Variants in CSMD1 observed in about 807,000 individuals in gnomAD.
CSMD1 encodes the protein CUB and Sushi multiple domains 1.
Under a neutral mutation model 417.5 loss-of-function variants are expected in CSMD1, and 213 were observed. The observed-to-expected ratio is 0.51, with a 90% confidence interval of 0.46 to 0.57. The LOEUF is 0.57. CSMD1 is among the 20% of genes least tolerant of loss of function. The pLI, the probability that CSMD1 is intolerant of heterozygous loss-of-function variation, is 0.00. For synonymous variants in CSMD1, 2,862 were observed against 1,736.8 expected (o/e 1.65, Z -16.11); for missense variants, 6,923 against 4,529.7 (o/e 1.53, Z -15.17).
At chr8:4,317,111 G>C (rs17335476) in intron 3 of CSMD1, among the ~76,000 whole-genome samples, 27,920 of 152,010 alleles carry the variant, frequency 0.18, 2,712 homozygotes, top group East Asian at 0.29. Flanking sequence ...GTTTCCAACT[G>C]GCCAAGCACA....
At chr8:4,505,056 C>T (rs541173849) in intron 2 of CSMD1, among the ~76,000 whole-genome samples, 5 of 152,296 alleles carry the variant, frequency 3.3e-5, no homozygotes, top group Non-Finnish European at 5.9e-5. Context: ...GGAACTGCCA[C>T]ACTGTCTTCC....
chr8:3,233,707 T>G (rs1193264370), intron 26 of CSMD1, among the ~76,000 whole-genome samples: 1 of 152,214 alleles, frequency 6.6e-6, no homozygotes, highest in Non-Finnish European at 1.5e-5. Flanking sequence ...CAATTTCTCA[T>G]GTAAACTAAG....
chr8:3,866,661 C>T (rs887835579), intron 5 of CSMD1, among the ~76,000 whole-genome samples: 9 of 129,082 alleles, frequency 7.0e-5, no homozygotes, highest in African/African-American at 2.3e-4. Flanking sequence ...AAATAATAAG[C>T]TTATAAGATT....
At chr8:4,038,956 A>C (rs907668430) in intron 3 of CSMD1, among the ~76,000 whole-genome samples, 6 of 152,200 alleles carry the variant, frequency 3.9e-5, no homozygotes, top group Non-Finnish European at 8.8e-5. Flanking sequence ...TCAGTGACTT[A>C]ATTGGGCTAT....
intron 17 of CSMD1, among the ~76,000 whole-genome samples, chr8:3,393,913 C>T (rs1278960913): frequency 6.7e-6 from 1 of 149,196 alleles, no homozygotes; most frequent in Non-Finnish European, 1.5e-5. Flanking sequence ...GGGTGCAGCA[C>T]ACCAACATGG....
chr8:4,268,960 CTTTTA>C (rs1051036899), intron 3 of CSMD1, among the ~76,000 whole-genome samples: 1 of 152,158 alleles, frequency 6.6e-6, no homozygotes, highest in Non-Finnish European at 1.5e-5. Context: ...CTGCTGTATC[CTTTTA>C]TTTTTTCAAT....
chr8:4,711,833 T>A (rs1426987017), intron 1 of CSMD1, among the ~76,000 whole-genome samples: 2 of 152,194 alleles, frequency 1.3e-5, no homozygotes, highest in Non-Finnish European at 2.9e-5. Flanking sequence ...CAAGTAGTTT[T>A]CTTCTATCAT....
intron 3 of CSMD1, among the ~76,000 whole-genome samples, chr8:4,330,985 G>A (rs529567429): frequency 2.0e-5 from 3 of 151,962 alleles, no homozygotes; most frequent in South Asian, 2.1e-4. Context: ...ATATACAGCC[G>A]CCTTTGTGTT....
At chr8:3,318,025 C>T (rs1249970101) in intron 23 of CSMD1, among the ~76,000 whole-genome samples, 2 of 152,124 alleles carry the variant, frequency 1.3e-5, no homozygotes, top group South Asian at 2.1e-4. Context: ...GGGCTCAAAA[C>T]CCTGGGTTCA....
At chr8:4,952,116 T>C (rs529167366) in intron 1 of CSMD1, among the ~76,000 whole-genome samples, 3 of 151,994 alleles carry the variant, frequency 2.0e-5, no homozygotes, top group Non-Finnish European at 4.4e-5. Context: ...TGAATAGTCT[T>C]AATTTCACTA....
In CSMD1 at chr8:3,069,888, T is replaced by C. The variant is rs140924241; in HGVS notation, c.7474+17209A>G. ...CTGCCTGGATACCCAGGGTTTTTCA[T>C]ACATACTCCAAAATCTAGGTAGAGG... On this transcript the variant is annotated intron_variant, in intron 49 of 69. Transcript: ENST00000635120. Among the ~76,000 whole-genome samples, 1,118 of 152,346 alleles carry C rather than the reference T, an allele frequency of 7.3e-3. 15 individuals carry two copies. Among genetic ancestry groups the C allele is most frequent in the African/African-American group, 0.025 (1,048 of 41,586 alleles).
chr8:3,472,752 A>G (rs903085911), intron 11 of CSMD1, among the ~76,000 whole-genome samples: 1 of 152,128 alleles, frequency 6.6e-6, no homozygotes, highest in Admixed American at 6.6e-5. Context: ...TTCTCAGCAG[A>G]TAACTTTACT....
chr8:3,267,232 G>A (rs1334538411), intron 26 of CSMD1, among the ~76,000 whole-genome samples: 1 of 152,166 alleles, frequency 6.6e-6, no homozygotes, highest in Non-Finnish European at 1.5e-5. Context: ...GTGGCTCACT[G>A]CTAGCTTGCA....
chr8:4,444,190 A>C (rs1798646315), intron 2 of CSMD1, among the ~76,000 whole-genome samples: 1 of 151,734 alleles, frequency 6.6e-6, no homozygotes, highest in Non-Finnish European at 1.5e-5. Context: ...AAAAATATAA[A>C]AACTAGCCAG....
chr8:4,589,450 G>T (rs942516537), intron 2 of CSMD1, among the ~76,000 whole-genome samples: 3 of 152,064 alleles, frequency 2.0e-5, no homozygotes, highest in African/African-American at 4.8e-5. Context: ...AGAATTAAAG[G>T]GTTAAGTTAA....
chr8:3,160,581 C>T (rs763270593), intron 38 of CSMD1, among the ~76,000 whole-genome samples: 17 of 152,216 alleles, frequency 1.1e-4, no homozygotes, highest in Non-Finnish European at 2.5e-4. Context: ...TCTCGCTCTG[C>T]CTCCAATCTT....
At chr8:4,320,987 T>C (rs1373084256) in intron 3 of CSMD1, among the ~76,000 whole-genome samples, 2 of 152,156 alleles carry the variant, frequency 1.3e-5, no homozygotes, top group Non-Finnish European at 2.9e-5. Context: ...ATTGCCTCCT[T>C]ATACCAGTTT....
At chr8:3,509,158 C>T (rs117967256) in intron 10 of CSMD1, among the ~76,000 whole-genome samples, 1 of 152,134 alleles carries the variant, frequency 6.6e-6, no homozygotes, top group Non-Finnish European at 1.5e-5. Flanking sequence ...ATAAGGTCAA[C>T]TCAAAAGTTT....
At position 4,914,969 on chromosome 8, in the gene CSMD1, T is replaced by C. The variant is rs185408572; in HGVS notation, c.85+79363A>G. On this transcript the variant is annotated intron_variant, in intron 1 of 69. Coordinates refer to ENST00000635120, the MANE Select transcript of CSMD1 (RefSeq NM_033225.6). ...ATGATGATGATGAAACGCATTCCGT[T>C]TCATGTGAAATTACCAGGCAATAGC... Among the ~76,000 whole-genome samples the C allele has an allele frequency of 3.3e-5, 5 of 152,290 alleles. No individual in the cohort carries two copies. The South Asian group carries it at 1.0e-3, about 32-fold the overall frequency.
Sources: gnomAD v4.1 joint callset for allele counts (sites outside exome capture counted in the v4.1 genomes callset) on GRCh38, gnomAD v4.1.1 for gene constraint, MANE v1.5 for transcripts, NCBI Gene and HGNC (gene_info 2026-07-23, HGNC 2026-07-21) for gene names.